ITGA6: variants seen among roughly 807,000 people sequenced by gnomAD.
The protein encoded by ITGA6 is integrin alpha-6.
In ITGA6, 63 loss-of-function variants were observed where a neutral mutation model predicts 133.6. That is an observed-to-expected ratio of 0.47 (90% CI 0.38 to 0.58). The LOEUF (loss-of-function observed/expected upper bound fraction) is 0.58, where lower values mean the gene tolerates loss of function less well. Among genes scored for constraint, ITGA6 ranks in the 20% least tolerant of loss-of-function variants. The probability of loss-of-function intolerance (pLI) is 0.00; values close to 1 mark genes in which losing one functional copy is unlikely to be tolerated. For synonymous variants in ITGA6, 434 were observed against 482.0 expected (o/e 0.90, Z 1.30); for missense variants, 1,068 against 1,309.4 (o/e 0.82, Z 2.85).
At chr2:172,433,799 A>G (rs551912429) in intron 1 of ITGA6, among the ~76,000 whole-genome samples, 33 of 152,354 alleles carry the variant, frequency 2.2e-4, no homozygotes, top group Non-Finnish European at 3.2e-4. Context: ...CAGAAGAGCC[A>G]TGCCTTCTAC....
chr2:172,493,103 T>G (rs753622542), intron 23 of ITGA6, among the ~76,000 whole-genome samples: 2 of 151,874 alleles, frequency 1.3e-5, no homozygotes, highest in Non-Finnish European at 2.9e-5. Flanking sequence ...AGCCAGAGTC[T>G]CACCATGTTG....
chr2:172,503,308 TTGAC>T (rs1411317397), intron 25 of ITGA6: 1 of 152,078 alleles, frequency 6.6e-6, no homozygotes, highest in Non-Finnish European at 1.5e-5. Context: ...TTGGATCAGA[TTGAC>T]TATTTAAATG....
At chr2:172,500,623 C>T (rs1687309876) in intron 24 of ITGA6, among the ~76,000 whole-genome samples, 1 of 152,132 alleles carries the variant, frequency 6.6e-6, no homozygotes, top group Non-Finnish European at 1.5e-5. Flanking sequence ...GAGTGAGACT[C>T]TGTCTCAAAA....
At chr2:172,480,803 A>T (rs892237411) in intron 11 of ITGA6, 1 of 152,302 alleles carries the variant, frequency 6.6e-6, no homozygotes, top group African/African-American at 2.4e-5. Flanking sequence ...AGATTTTTTT[A>T]AATTTTTGTG....
intron 19 of ITGA6, among the ~76,000 whole-genome samples, chr2:172,488,914 T>A (rs1246217534): frequency 2.0e-5 from 3 of 152,278 alleles, no homozygotes; most frequent in Non-Finnish European, 4.4e-5. Context: ...AAGAAGTCTT[T>A]GGGTTCTGGA....
chr2:172,495,709 T>C (rs1198724100), intron 23 of ITGA6, among the ~76,000 whole-genome samples: 3 of 152,198 alleles, frequency 2.0e-5, no homozygotes, highest in Non-Finnish European at 4.4e-5. Context: ...GTTAACAATA[T>C]GTGGAAGTTC....
intron 8 of ITGA6, 67 bp from the exon 9 acceptor site, chr2:172,476,328 T>C: frequency 4.5e-6 from 4 of 885,766 alleles, no homozygotes; most frequent in East Asian, 4.8e-5. Flanking sequence ...GTGTGTCTTT[T>C]TCAAAGCATT....
intron 1 of ITGA6, 31 bp downstream of exon 1, chr2:172,428,001 G>A: frequency 1.9e-6 from 3 of 1,581,444 alleles, no homozygotes; most frequent in Non-Finnish European, 1.7e-6. Context: ...CACCCCCACT[G>A]GGGCGCCGGC....
At chr2:172,468,859 T>G in intron 3 of ITGA6, 1 of 417,890 alleles carries the variant, frequency 2.4e-6, no homozygotes, top group Non-Finnish European at 4.4e-6. Flanking sequence ...AAATTGCCTA[T>G]GGATACAGAT....
rs1223673653 is a variant in ITGA6 at position 172,487,453 on chromosome 2, T to C, written c.2160T>C (p.Pro720=). The change falls in exon 15 of 26, where the codon CCT becomes CCC. Residue 720 remains proline, a splice_region_variant and synonymous_variant. Coordinates refer to ENST00000684293, the MANE Select transcript of ITGA6 (RefSeq NM_000210.4). ...YSAYRELRAF[P]EKQLSCVANQ... Reference sequence around the variant, plus strand: ...CATATAGAGAACTGAGGGCTTTCCCTGTAAGTATTGTTAGAGACCAGCTGA... The same window carrying C: ...CATATAGAGAACTGAGGGCTTTCCCCGTAAGTATTGTTAGAGACCAGCTGA... The C allele has an allele frequency of 1.9e-6, 3 of 1,613,784 alleles. No individual in the cohort carries two copies. The highest frequency in any genetic ancestry group is 2.5e-6 in the Non-Finnish European group (3 of 1,179,690).
At chr2:172,450,229 G>A (rs940135840) in intron 1 of ITGA6, among the ~76,000 whole-genome samples, 2 of 152,218 alleles carry the variant, frequency 1.3e-5, no homozygotes, top group Non-Finnish European at 2.9e-5. Context: ...CTGGAGGGCT[G>A]TAAGCAGAGG....
intron 1 of ITGA6, chr2:172,428,542 T>A (rs1683969022): frequency 9.8e-6 from 1 of 102,256 alleles, no homozygotes; most frequent in African/African-American, 4.5e-5. Flanking sequence ...TTTACATGCC[T>A]TTGAAAAAAA....
intron 11 of ITGA6, among the ~76,000 whole-genome samples, chr2:172,480,455 A>G (rs1010006872): frequency 2.0e-5 from 3 of 151,796 alleles, no homozygotes; most frequent in African/African-American, 7.3e-5. Flanking sequence ...GGCAGGAGCC[A>G]GAGCACAGCA....
chr2:172,427,410 G>GGGCTCCCACGTCGT, upstream of ITGA6: 1 of 1,024,050 alleles, frequency 9.8e-7, no homozygotes, highest in Non-Finnish European at 1.2e-6. Flanking sequence ...CTCGCCTCCG[G>GGGCTCCCACGTCGT]GGCTCCCACG....
In ITGA6 at chr2:172,435,027, AGTGTGTGT is replaced by A. The variant is rs72087668; in HGVS notation, c.182+7082_182+7089del. On this transcript the variant is annotated intron_variant, in intron 1 of 25. Coordinates refer to ENST00000684293, the MANE Select transcript of ITGA6 (RefSeq NM_000210.4). ...GTTCATTTGTACTGAGGTGGTTTTA[AGTGTGTGT>A]GTGTGTGTGTGTGTGTGTGTGTGTA... Among the ~76,000 whole-genome samples, 16 of 144,164 alleles carry A rather than the reference AGTGTGTGT, an allele frequency of 1.1e-4. No homozygotes were observed. In the South Asian group the frequency reaches 2.5e-3, roughly 22 times the overall value. 94.6% of individuals were successfully genotyped at this position (144,164 alleles called of 152,430 possible). A position where few individuals can be genotyped will look rare whatever the true frequency, so the allele number is the denominator to read the frequency against.
chr2:172,463,776 C>T (rs538570310), intron 1 of ITGA6, among the ~76,000 whole-genome samples: 11 of 152,288 alleles, frequency 7.2e-5, no homozygotes, highest in African/African-American at 2.4e-4. Flanking sequence ...CCAGCACCCT[C>T]CACATGACTC....
chr2:172,498,080 T>C lies in ITGA6; in HGVS notation c.3094T>C (p.Leu1032=). 1 of 1,613,778 alleles carries C rather than the reference T, an allele frequency of 6.2e-7. No individual in the cohort carries two copies. The highest frequency in any genetic ancestry group is 8.5e-7 in the Non-Finnish European group (1 of 1,179,674). ...ILAGILMLAL[L]VFILWKCGFF... is the part of the protein sequence containing the mutation. ...CGCTGGGATCTTGATGCTTGCTTTA[T>C]TAGTGTTTATACTATGGAAGGTAAG... is the stretch of plus-strand genomic sequence containing the variant. Residue 1032 remains leucine (L), a synonymous_variant, in exon 24 of 26, where the codon TTA becomes CTA. Coordinates refer to ENST00000684293, the MANE Select transcript of ITGA6 (RefSeq NM_000210.4).
chr2:172,446,057 A>G (rs1329107574), intron 1 of ITGA6, among the ~76,000 whole-genome samples: 2 of 152,252 alleles, frequency 1.3e-5, no homozygotes, highest in African/African-American at 4.8e-5. Context: ...ACTATGGGAA[A>G]GAGGAGAACT....
At chr2:172,452,158 C>A (rs1335839921) in intron 1 of ITGA6, among the ~76,000 whole-genome samples, 1 of 152,152 alleles carries the variant, frequency 6.6e-6, no homozygotes, top group African/African-American at 2.4e-5. Flanking sequence ...CCTCAACCTT[C>A]CAGTTCTTTA....
Sources: gnomAD v4.1 joint callset for allele counts (sites outside exome capture counted in the v4.1 genomes callset) on GRCh38, gnomAD v4.1.1 for gene constraint, MANE v1.5 for transcripts, NCBI Gene and HGNC (gene_info 2026-07-23, HGNC 2026-07-21) for gene names.